The following MBIP variants were observed in gnomAD, a reference collection of about 807,000 sequenced individuals.
MBIP encodes the protein MAP3K12 binding inhibitory protein 1.
A neutral mutation model predicts 45.7 loss-of-function variants in MBIP; 32 were observed. That is an observed-to-expected ratio of 0.70 (90% CI 0.53 to 0.94). The LOEUF is 0.94. Ranked by LOEUF, MBIP falls within the 40% of genes least tolerant of loss-of-function variation. The pLI, the probability that MBIP is intolerant of heterozygous loss-of-function variation, is 0.00. For missense variants in MBIP, 381 were observed against 405.5 expected (o/e 0.94, Z 0.52); for synonymous variants, 145 against 141.0 (o/e 1.03, Z -0.20).
chr14:36,316,674 T>C lies in MBIP; in HGVS notation c.249+19A>G. ...TTCTATTTTCAATATCGGGTTATCA[T>C]TTCTAACAAGAAATTTACCTGTAAA... On this transcript the variant is annotated intron_variant, in intron 2 of 8. Coordinates refer to ENST00000416007, the MANE Select transcript of MBIP (RefSeq NM_016586.3). The C allele has an allele frequency of 3.1e-6, 5 of 1,591,618 alleles. No individual in the cohort carries two copies. The highest frequency in any genetic ancestry group is 4.3e-6 in the Non-Finnish European group (5 of 1,170,888).
intron 7 of MBIP, chr14:36,305,028 C>T (rs917554892): frequency 6.6e-6 from 1 of 152,166 alleles, no homozygotes; most frequent in Admixed American, 6.5e-5. Flanking sequence ...TAGGACTGTG[C>T]TACATATGTA....
chr14:36,317,189 C>T (rs1341474412), intron 1 of MBIP, among the ~76,000 whole-genome samples: 1 of 152,122 alleles, frequency 6.6e-6, no homozygotes, highest in Non-Finnish European at 1.5e-5. Context: ...CTACTTCTAG[C>T]TCAGAGCCTT....
At position 36,320,493 on chromosome 14, in the gene MBIP, T is replaced by A; in HGVS notation, c.96A>T (p.Glu32Asp). Residue 32 changes from glutamate to aspartate, a missense_variant, in exon 1 of 9, where the codon GAA becomes GAT. Glu to Asp is a conservative substitution (Grantham distance 45). Transcript: ENST00000416007. ...CCAGGGTGTGTAGGGAGCGAAAGAT[T>A]TCGTAGAGCACCTCTCGGGAGAGGT... ...RPNLSREVLY[E>D]IFRSLHTLVG... 6.2e-7 allele frequency: 1 copy of A among 1,613,948 alleles called. No individual in the cohort carries two copies. The highest frequency in any genetic ancestry group is 8.5e-7 in the Non-Finnish European group (1 of 1,179,970).
At chr14:36,309,090 T>C (rs970915331) in intron 6 of MBIP, among the ~76,000 whole-genome samples, 1 of 152,168 alleles carries the variant, frequency 6.6e-6, no homozygotes, top group Non-Finnish European at 1.5e-5. Context: ...TTTTTTTCTG[T>C]TATTCAAAGA....
chr14:36,308,075 A>C lies in MBIP; in HGVS notation c.888+17T>G. 7.7e-7 allele frequency: 1 copy of C among 1,307,076 alleles called. No homozygotes were observed. Among genetic ancestry groups the C allele is most frequent in the Non-Finnish European group, 1.1e-6 (1 of 920,930 alleles). 81.0% of individuals were successfully genotyped at this position (1,307,076 alleles called of 1,614,324 possible). A position where few individuals can be genotyped will look rare whatever the true frequency, so the allele number is the denominator to read the frequency against. ...CAATAACATTTTCATTTATTTTTAA[A>C]AGACACTTATACTCACTACAGACTG... On this transcript the variant is annotated intron_variant, in intron 7 of 8. Coordinates refer to ENST00000416007, the MANE Select transcript of MBIP (RefSeq NM_016586.3).
Position 36,314,826 on chromosome 14 carries a change from A to AT in MBIP, c.338dup (p.Asn113LysfsTer2). ...CAATGGAAAATTTGTCATTTACTTC[A>AT]TTTTTGTTCCCCATTTCTGTTCTTC... On this transcript the variant is annotated frameshift_variant, in exon 3 of 9. Transcript: ENST00000416007. LOFTEE classifies it high-confidence loss of function. 6.2e-7 allele frequency: 1 copy of AT among 1,613,212 alleles called. No individual in the cohort carries two copies. The highest frequency in any genetic ancestry group is 8.5e-7 in the Non-Finnish European group (1 of 1,179,600).
intron 4 of MBIP, among the ~76,000 whole-genome samples, chr14:36,312,633 G>A (rs1369682745): frequency 6.6e-6 from 1 of 151,844 alleles, no homozygotes; most frequent in Non-Finnish European, 1.5e-5. Flanking sequence ...TTTTAGTAAA[G>A]GTCTATTGTG....
chr14:36,316,226 T>G (rs887795732), intron 2 of MBIP, among the ~76,000 whole-genome samples: 4 of 152,094 alleles, frequency 2.6e-5, no homozygotes, highest in Non-Finnish European at 2.9e-5. Context: ...GTCATAGAAA[T>G]TACTTTCTTT....
chr14:36,318,947 CA>C (rs1431499002), intron 1 of MBIP, among the ~76,000 whole-genome samples: 2 of 151,954 alleles, frequency 1.3e-5, no homozygotes, highest in Non-Finnish European at 2.9e-5. Flanking sequence ...ATTGATGAAA[CA>C]ATCATATTTT....
chr14:36,316,667 G>T (rs1394158874), intron 2 of MBIP, 26 bp downstream of exon 2: 1 of 1,586,804 alleles, frequency 6.3e-7, no homozygotes, highest in Non-Finnish European at 8.6e-7. Flanking sequence ...TCAATATCGG[G>T]TTATCATTTC....
chr14:36,313,858 A>G (rs1483244227), intron 4 of MBIP: 1 of 152,106 alleles, frequency 6.6e-6, no homozygotes, highest in African/African-American at 2.4e-5. Flanking sequence ...GATTATTACT[A>G]TGGTGCCTGA....
intron 2 of MBIP, among the ~76,000 whole-genome samples, chr14:36,315,612 C>A (rs1594522702): frequency 6.6e-6 from 1 of 151,990 alleles, no homozygotes; most frequent in Admixed American, 6.6e-5. Flanking sequence ...AGGGGGAAAA[C>A]CCCTGTTGTA....
intron 1 of MBIP, chr14:36,319,492 G>T: frequency 2.9e-6 from 1 of 347,912 alleles, no homozygotes; most frequent in Non-Finnish European, 5.6e-6. Flanking sequence ...TTTAAAAATA[G>T]TAACTTCTTA....
Position 36,308,191 on chromosome 14 carries a change from TA to T in MBIP, c.791-3del. On this transcript the variant is annotated splice_polypyrimidine_tract_variant and splice_region_variant and intron_variant, in intron 6 of 8. Coordinates refer to ENST00000416007, the MANE Select transcript of MBIP (RefSeq NM_016586.3). ...AAATGTCTCTTGGCACTGGACCACCTAAATACATTAAAAAAAAATCTGAGAT... is the reference window on the plus strand; with the variant it reads ...AAATGTCTCTTGGCACTGGACCACCTAATACATTAAAAAAAAATCTGAGAT... 1.4e-6 allele frequency: 2 copies of T among 1,460,666 alleles called. No individual in the cohort carries two copies. Among genetic ancestry groups the T allele is most frequent in the Non-Finnish European group, 9.4e-7 (1 of 1,064,570 alleles). 90.5% of individuals were successfully genotyped at this position (1,460,666 alleles called of 1,614,324 possible). A position where few individuals can be genotyped will look rare whatever the true frequency, so the allele number is the denominator to read the frequency against.
At chr14:36,304,327 A>C (rs914822674) in intron 7 of MBIP, among the ~76,000 whole-genome samples, 2 of 152,214 alleles carry the variant, frequency 1.3e-5, no homozygotes, top group Non-Finnish European at 2.9e-5. Context: ...TTGCACATCT[A>C]CTCGATATTG....
chr14:36,305,286 G>C (rs147437976), intron 7 of MBIP: 7 of 152,152 alleles, frequency 4.6e-5, no homozygotes, highest in African/African-American at 1.7e-4. Flanking sequence ...TAGGGCTTGT[G>C]TCATGTATGT....
intron 7 of MBIP, among the ~76,000 whole-genome samples, chr14:36,304,208 C>T (rs1434542363): frequency 6.6e-6 from 1 of 152,124 alleles, no homozygotes; most frequent in African/African-American, 2.4e-5. Context: ...CCTTAAGAAC[C>T]AGGAGTTACT....
chr14:36,305,913 C>T (rs1879848284), intron 7 of MBIP, among the ~76,000 whole-genome samples: 1 of 152,094 alleles, frequency 6.6e-6, no homozygotes, highest in African/African-American at 2.4e-5. Context: ...CTTTTCCATT[C>T]TCACTCATGT....
chr14:36,320,461 T>G lies in MBIP; in HGVS notation c.128A>C (p.Gln43Pro), dbSNP rs770933691. The G allele has an allele frequency of 6.2e-7, 1 of 1,614,006 alleles. No homozygotes were observed. Among genetic ancestry groups the G allele is most frequent in the African/African-American group, 1.3e-5 (1 of 74,934 alleles). ...CCAGTCCCTCAGGCCACCTCTCACC[T>G]GTCCAACCAGGGTGTGTAGGGAGCG... is the stretch of plus-strand genomic sequence containing the variant. ...IFRSLHTLVG[Q>P]LDLRDDVVKI... Residue 43 changes from glutamine (Q) to proline (P), a missense_variant and splice_region_variant, in exon 1 of 9, where the codon CAG becomes CCG. Physicochemically the swap from Gln to Pro is moderately conservative, Grantham distance 76. Coordinates refer to ENST00000416007, the MANE Select transcript of MBIP (RefSeq NM_016586.3).
Sources: gnomAD v4.1 joint callset for allele counts (sites outside exome capture counted in the v4.1 genomes callset) on GRCh38, gnomAD v4.1.1 for gene constraint, MANE v1.5 for transcripts, NCBI Gene and HGNC (gene_info 2026-07-23, HGNC 2026-07-21) for gene names.